PSD3: variants seen among roughly 807,000 people sequenced by gnomAD.
PSD3 encodes PH and SEC7 domain-containing protein 3.
A neutral mutation model predicts 105.5 loss-of-function variants in PSD3; 49 were observed. That is an observed-to-expected ratio of 0.46 (90% confidence interval 0.37 to 0.59). The LOEUF (loss-of-function observed/expected upper bound fraction) is 0.59, where lower values mean the gene tolerates loss of function less well. Among genes scored for constraint, PSD3 ranks in the 20% least tolerant of loss-of-function variants. The probability of loss-of-function intolerance (pLI) is 0.00; values close to 1 mark genes in which losing one functional copy is unlikely to be tolerated. For missense variants in PSD3, 1,561 were observed against 1,263.8 expected, an observed-to-expected ratio of 1.24 and a Z score of -3.57; for synonymous variants, 557 against 457.8, an observed-to-expected ratio of 1.22 and a Z score of -2.77.
intron 1 of PSD3, among the ~76,000 whole-genome samples, chr8:19,081,131 A>T (rs1030565924): frequency 6.6e-6 from 1 of 152,150 alleles, no homozygotes; most frequent in Non-Finnish European, 1.5e-5. Context: ...GGCCCATAGA[A>T]TATTCTCTGA....
intron 9 of PSD3, among the ~76,000 whole-genome samples, chr8:18,736,087 T>G (rs921368250): frequency 6.6e-6 from 1 of 152,178 alleles, no homozygotes; most frequent in Non-Finnish European, 1.5e-5. Flanking sequence ...TCCAACAAAC[T>G]TGAGCACATC....
At chr8:18,967,680 A>G (rs542587620) in intron 1 of PSD3, among the ~76,000 whole-genome samples, 11 of 152,310 alleles carry the variant, frequency 7.2e-5, no homozygotes, top group African/African-American at 2.6e-4. Context: ...AAAATCAAGG[A>G]AAGGCAAATG....
At chr8:18,560,944 C>A (rs1325848035) in intron 14 of PSD3, among the ~76,000 whole-genome samples, 3 of 152,098 alleles carry the variant, frequency 2.0e-5, no homozygotes, top group African/African-American at 2.4e-5. Flanking sequence ...TAGGTTAGAC[C>A]CTTTTTTGCC....
intron 2 of PSD3, among the ~76,000 whole-genome samples, chr8:18,887,811 G>A (rs1436842280): frequency 6.6e-6 from 1 of 152,094 alleles, no homozygotes; most frequent in South Asian, 2.1e-4. Context: ...TTTGGAGAAC[G>A]TTTCTGATAA....
intron 4 of PSD3, among the ~76,000 whole-genome samples, chr8:18,825,113 G>A (rs887647542): frequency 2.6e-5 from 4 of 152,122 alleles, no homozygotes; most frequent in African/African-American, 7.2e-5. Context: ...ATATACTAGT[G>A]CAGTCCCTGA....
intron 9 of PSD3, among the ~76,000 whole-genome samples, chr8:18,703,351 G>A (rs550397131): frequency 2.2e-4 from 33 of 152,280 alleles, no homozygotes; most frequent in Middle Eastern, 6.8e-3. Context: ...GACTTACACA[G>A]AGAGGTCCCC....
In PSD3 at chr8:18,968,107, T is replaced by C. The variant is rs566664630; in HGVS notation, c.22-31965A>G. 9.9e-5 allele frequency among the ~76,000 whole-genome samples: 15 copies of C among 152,284 alleles called. No homozygotes were observed. In the East Asian group the frequency reaches 2.5e-3, roughly 26 times the overall value. ...TTATAAACAGAAATTTATGTCCACA[T>C]TTCTATAGTTCCTGAAATTGCCAGA... On this transcript the variant is annotated intron_variant, in intron 1 of 15. Transcript: ENST00000327040.
chr8:18,558,081 C>T (rs1229993818), intron 14 of PSD3, among the ~76,000 whole-genome samples: 1 of 152,188 alleles, frequency 6.6e-6, no homozygotes, highest in Non-Finnish European at 1.5e-5. Flanking sequence ...CACCAGACAC[C>T]AACTCTGCTG....
chr8:18,883,111 G>A (rs1818224469), intron 2 of PSD3, among the ~76,000 whole-genome samples: 1 of 152,076 alleles, frequency 6.6e-6, no homozygotes, highest in Admixed American at 6.6e-5. Flanking sequence ...TTCCCAATCA[G>A]AATCCTGTTG....
chr8:18,918,476 T>C (rs893824916), intron 2 of PSD3, among the ~76,000 whole-genome samples: 4 of 152,302 alleles, frequency 2.6e-5, no homozygotes, highest in Middle Eastern at 3.4e-3. Context: ...GACTTCACAG[T>C]CAGGCTGTAG....
At chr8:18,980,133 A>G (rs1825175194) in intron 1 of PSD3, among the ~76,000 whole-genome samples, 1 of 152,228 alleles carries the variant, frequency 6.6e-6, no homozygotes. Context: ...TGCTACTTAA[A>G]GACCTACTGT....
At chr8:19,057,956 G>C (rs1828766608) in intron 1 of PSD3, among the ~76,000 whole-genome samples, 1 of 152,016 alleles carries the variant, frequency 6.6e-6, no homozygotes, top group African/African-American at 2.4e-5. Context: ...AGAGAACTGA[G>C]AACTTCTATT....
intron 12 of PSD3, among the ~76,000 whole-genome samples, chr8:18,591,110 G>T (rs1209791176): frequency 3.3e-5 from 5 of 152,128 alleles, no homozygotes; most frequent in African/African-American, 1.2e-4. Flanking sequence ...ATCCAGTGAA[G>T]AGGTTGTAGT....
intron 9 of PSD3, among the ~76,000 whole-genome samples, chr8:18,722,076 T>C (rs1411143611): frequency 6.6e-6 from 1 of 151,926 alleles, no homozygotes; most frequent in Non-Finnish European, 1.5e-5. Context: ...TTTTTAACAG[T>C]AAAAATTGAA....
At chr8:18,961,092 C>CA (rs987552777) in intron 1 of PSD3, among the ~76,000 whole-genome samples, 3 of 150,160 alleles carry the variant, frequency 2.0e-5, no homozygotes, top group East Asian at 2.0e-4. Context: ...ACCCTGTCTC[C>CA]AAAAAAACAA....
chr8:19,053,204 G>T (rs978358596), intron 1 of PSD3, among the ~76,000 whole-genome samples: 1 of 152,084 alleles, frequency 6.6e-6, no homozygotes, highest in African/African-American at 2.4e-5. Context: ...GGTCTATGGC[G>T]CACAGGGGAT....
chr8:18,943,114 T>C (rs947972994), intron 1 of PSD3, among the ~76,000 whole-genome samples: 3 of 152,178 alleles, frequency 2.0e-5, no homozygotes, highest in African/African-American at 2.4e-5. Context: ...TCAAAGAAGC[T>C]GCCTGGGTAT....
In PSD3 at chr8:18,962,987, C is replaced by T. The variant is rs145751813; in HGVS notation, c.22-26845G>A. ...TTTCACGCTGCTGATAAAGACATACCTGAGACTGGGGATAAAAAGAGGTTT... is the reference window on the plus strand; with the variant it reads ...TTTCACGCTGCTGATAAAGACATACTTGAGACTGGGGATAAAAAGAGGTTT... On this transcript the variant is annotated intron_variant, in intron 1 of 15. Coordinates refer to ENST00000327040, the MANE Select transcript of PSD3 (RefSeq NM_015310.4). 8.2e-3 allele frequency among the ~76,000 whole-genome samples: 1,250 copies of T among 152,272 alleles called. 15 individuals are homozygous for T. The highest frequency in any genetic ancestry group is 0.029 in the African/African-American group (1,200 of 41,552).
intron 1 of PSD3, among the ~76,000 whole-genome samples, chr8:18,987,267 T>G (rs1431823387): frequency 8.6e-6 from 1 of 116,642 alleles, no homozygotes; most frequent in Non-Finnish European, 2.0e-5. Context: ...TAGAGAAATT[T>G]ATTTTCTTTT....
Sources: gnomAD v4.1 joint callset for allele counts (sites outside exome capture counted in the v4.1 genomes callset) on GRCh38, gnomAD v4.1.1 for gene constraint, MANE v1.5 for transcripts, NCBI Gene and HGNC (gene_info 2026-07-23, HGNC 2026-07-21) for gene names.